Variants in NELL2 observed in about 807,000 individuals in gnomAD.
The protein encoded by NELL2 is neural EGFL like 2.
A neutral mutation model predicts 109.6 loss-of-function variants in NELL2; 41 were observed. The ratio of observed to expected loss-of-function variants is 0.37; its 90% CI spans 0.29 to 0.49. The LOEUF is 0.49. NELL2 is among the 20% of genes least tolerant of loss of function. The probability of loss-of-function intolerance (pLI) is 0.98; values close to 1 mark genes in which losing one functional copy is unlikely to be tolerated. For missense variants in NELL2, 900 were observed against 1,008.3 expected, an observed-to-expected ratio of 0.89 and a Z score of 1.45; for synonymous variants, 355 against 344.7, an observed-to-expected ratio of 1.03 and a Z score of -0.33.
At chr12:44,521,525 G>A (rs560215814) in intron 18 of NELL2, among the ~76,000 whole-genome samples, 2 of 123,190 alleles carry the variant, frequency 1.6e-5, no homozygotes, top group African/African-American at 8.6e-5. Flanking sequence ...GCGAGACTCC[G>A]TCTCAAAAAA....
At chr12:44,822,856 A>T (rs1943588868) in intron 2 of NELL2, among the ~76,000 whole-genome samples, 1 of 152,180 alleles carries the variant, frequency 6.6e-6, no homozygotes. Flanking sequence ...TGATGAGTTC[A>T]TATGTGGCTA....
At chr12:44,739,336 A>G (rs2136492215) in intron 9 of NELL2, among the ~76,000 whole-genome samples, 1 of 152,318 alleles carries the variant, frequency 6.6e-6, no homozygotes, top group East Asian at 1.9e-4. Context: ...ATACATCTAA[A>G]TGGTATGAAA....
At chr12:44,571,917 G>C (rs1555178075) in intron 15 of NELL2, among the ~76,000 whole-genome samples, 2 of 151,918 alleles carry the variant, frequency 1.3e-5, no homozygotes, top group Non-Finnish European at 1.5e-5. Flanking sequence ...AGGGTATGTA[G>C]ATTACAGCCA....
intron 12 of NELL2, 107 bp downstream of exon 12, chr12:44,703,619 G>A (rs1345760942): frequency 1.7e-6 from 2 of 1,148,110 alleles, no homozygotes; most frequent in Non-Finnish European, 2.6e-6. Flanking sequence ...TAAATTCACT[G>A]CTTTTAATGG....
At chr12:44,771,506 ACAAAGT>A in intron 9 of NELL2, among the ~76,000 whole-genome samples, 1 of 152,358 alleles carries the variant, frequency 6.6e-6, no homozygotes, top group South Asian at 2.1e-4. Flanking sequence ...CAAATGAGGC[ACAAAGT>A]ATGTGTCTTG....
intron 15 of NELL2, among the ~76,000 whole-genome samples, chr12:44,587,763 T>C (rs1401608756): frequency 1.3e-5 from 2 of 152,200 alleles, no homozygotes; most frequent in East Asian, 1.9e-4. Context: ...GGGCCTAGCT[T>C]TCCTTAGCTT....
chr12:44,784,743 T>C (rs1263965310), intron 3 of NELL2, among the ~76,000 whole-genome samples: 2 of 152,118 alleles, frequency 1.3e-5, no homozygotes, highest in Non-Finnish European at 2.9e-5. Flanking sequence ...TATCAATAAA[T>C]GGAATCCATC....
intron 3 of NELL2, among the ~76,000 whole-genome samples, chr12:44,791,275 C>A (rs1942423575): frequency 1.7e-5 from 2 of 119,890 alleles, no homozygotes; most frequent in South Asian, 5.9e-4. Context: ...ATGGCATTTG[C>A]AGTGACCTGG....
chr12:44,686,040 C>G (rs1399301226), intron 12 of NELL2, among the ~76,000 whole-genome samples: 1 of 152,206 alleles, frequency 6.6e-6, no homozygotes, highest in Non-Finnish European at 1.5e-5. Context: ...CTCTCCATTA[C>G]TTTCAGGTAC....
At chr12:44,762,227 C>A (rs904458862) in intron 9 of NELL2, among the ~76,000 whole-genome samples, 1 of 152,138 alleles carries the variant, frequency 6.6e-6, no homozygotes, top group Non-Finnish European at 1.5e-5. Flanking sequence ...CATAACATGT[C>A]TAAATTGAAC....
intron 2 of NELL2, among the ~76,000 whole-genome samples, chr12:44,831,091 T>C (rs1202479781): frequency 6.6e-6 from 1 of 152,070 alleles, no homozygotes; most frequent in South Asian, 2.1e-4. Flanking sequence ...CTCTTGAAGT[T>C]TTTCCCACCA....
chr12:44,634,914 T>A (rs1027728348), intron 13 of NELL2, among the ~76,000 whole-genome samples: 8 of 152,128 alleles, frequency 5.3e-5, no homozygotes, highest in Admixed American at 4.6e-4. Flanking sequence ...AGAATGATGG[T>A]TTCCAGCTTC....
At chr12:44,620,269 C>A (rs958290712) in intron 13 of NELL2, among the ~76,000 whole-genome samples, 9 of 151,902 alleles carry the variant, frequency 5.9e-5, no homozygotes, top group African/African-American at 1.5e-4. Flanking sequence ...GTTTAACGAC[C>A]GCCACTTACA....
intron 2 of NELL2, among the ~76,000 whole-genome samples, chr12:44,825,978 G>A (rs1251132478): frequency 6.6e-6 from 1 of 151,900 alleles, no homozygotes; most frequent in Non-Finnish European, 1.5e-5. Flanking sequence ...GGAGGCGGAG[G>A]TTGCAGTGAG....
At chr12:44,803,808 T>C (rs371163731) in intron 3 of NELL2, among the ~76,000 whole-genome samples, 1 of 151,934 alleles carries the variant, frequency 6.6e-6, no homozygotes, top group Non-Finnish European at 1.5e-5. Context: ...CTAACAAATA[T>C]ATTTCCAAAA....
chr12:44,891,758 A>T (rs1217333212), intron 1 of NELL2, among the ~76,000 whole-genome samples: 2 of 152,200 alleles, frequency 1.3e-5, no homozygotes, highest in African/African-American at 4.8e-5. Context: ...GCATGACATC[A>T]GGCAGAAAAT....
intron 9 of NELL2, among the ~76,000 whole-genome samples, chr12:44,734,169 T>G (rs914661598): frequency 2.0e-5 from 3 of 152,012 alleles, no homozygotes; most frequent in Non-Finnish European, 4.4e-5. Flanking sequence ...GAGGCTATAT[T>G]ATTAGGTAAA....
At chr12:44,775,241 ATGTGCGTGCGCACG>A (rs1941709911) in intron 8 of NELL2, among the ~76,000 whole-genome samples, 2 of 148,554 alleles carry the variant, frequency 1.3e-5, no homozygotes, top group Admixed American at 1.3e-4. Flanking sequence ...ACACACATGC[ATGTGCGTGCGCACG>A]CACACACACA....
At chr12:44,844,904 T>A (rs1944327788) in intron 2 of NELL2, among the ~76,000 whole-genome samples, 1 of 152,150 alleles carries the variant, frequency 6.6e-6, no homozygotes, top group Admixed American at 6.5e-5. Context: ...GAATCTAATT[T>A]TTTAAAATTA....
Sources: gnomAD v4.1 joint callset for allele counts (sites outside exome capture counted in the v4.1 genomes callset) on GRCh38, gnomAD v4.1.1 for gene constraint, MANE v1.5 for transcripts, NCBI Gene and HGNC (gene_info 2026-07-23, HGNC 2026-07-21) for gene names.